Variants in KIF13A observed in about 807,000 individuals in gnomAD.
KIF13A encodes the protein kinesin-like protein KIF13A.
A neutral mutation model predicts 212.2 loss-of-function variants in KIF13A; 79 were observed. The observed-to-expected ratio is 0.37, with a 90% CI of 0.31 to 0.45. The LOEUF (loss-of-function observed/expected upper bound fraction) is 0.45. Ranked by LOEUF, KIF13A falls within the 20% of genes least tolerant of loss-of-function variation. The pLI, the probability that KIF13A is intolerant of heterozygous loss-of-function variation, is 1.00. For synonymous variants in KIF13A, 789 were observed against 808.6 expected (o/e 0.98, Z 0.41); for missense variants, 1,901 against 2,209.0 (o/e 0.86, Z 2.79).
Position 17,834,166 on chromosome 6 carries a change from A to G in KIF13A, c.1156-95T>C, listed in dbSNP as rs1049296374. ...CTGTCCCTCTTAAGCAGTTATCAAT[A>G]GTCTGTTGGAAAAAATTAAGTTATA... On this transcript the variant is annotated intron_variant, in intron 11 of 38. Coordinates refer to ENST00000259711, the MANE Select transcript of KIF13A (RefSeq NM_022113.6). This position sits in a 1 kb window ranked among gnomAD's most constrained non-coding sequence, Gnocchi z 4.0. 2 of 729,260 alleles carry G rather than the reference A, an allele frequency of 2.7e-6. No individual in the cohort carries two copies. Among genetic ancestry groups the G allele is most frequent in the African/African-American group, 3.7e-5 (2 of 53,918 alleles). 45.2% of individuals were successfully genotyped at this position (729,260 alleles called of 1,614,324 possible).
At chr6:17,973,782 G>A (rs989206828) in intron 2 of KIF13A, among the ~76,000 whole-genome samples, 2 of 152,320 alleles carry the variant, frequency 1.3e-5, no homozygotes, top group East Asian at 3.9e-4. Context: ...CCATGCTGCT[G>A]CTCCATAGCC....
In KIF13A at chr6:17,780,872, T is replaced by G. The variant is rs1455653081; in HGVS notation, c.3704A>C (p.His1235Pro). Residue 1235 changes from histidine (H) to proline (P), a missense_variant, in exon 31 of 39, where the codon CAT (histidine) becomes CCT (proline). His to Pro is a moderately conservative substitution (Grantham distance 77). This residue lies in a region of KIF13A where 687 missense variants were observed against 759.1 expected (regional missense o/e 0.90). Transcript: ENST00000259711. ...SATASWDSSVHDSVHLNRVTP... is the reference protein window; with the variant it reads ...SATASWDSSVPDSVHLNRVTP... Reference sequence around the variant, plus strand: ...GACCCTATTCAAGTGAACAGAATCATGCACCGAGGAATCCCAAGAGGCTGT... The same window carrying G: ...GACCCTATTCAAGTGAACAGAATCAGGCACCGAGGAATCCCAAGAGGCTGT... 6.2e-7 allele frequency: 1 copy of G among 1,613,922 alleles called. No individual in the cohort carries two copies. Among genetic ancestry groups the G allele is most frequent in the Non-Finnish European group, 8.5e-7 (1 of 1,179,836 alleles).
chr6:17,762,545 C>T (rs976706593), downstream of KIF13A, among the ~76,000 whole-genome samples: 1 of 152,156 alleles, frequency 6.6e-6, no homozygotes, highest in African/African-American at 2.4e-5. Flanking sequence ...CTGCCACACC[C>T]TCCTTGCCCC....
At position 17,808,653 on chromosome 6, in the gene KIF13A, T is replaced by C. The variant is rs576715406; in HGVS notation, c.2163+115A>G. ...AAGAATGTCTTGAAAAAAATAAACA[T>C]CTCTGGCTGATATCAGGATCTCCTC... On this transcript the variant is annotated intron_variant, in intron 18 of 38. Coordinates refer to ENST00000259711, the MANE Select transcript of KIF13A (RefSeq NM_022113.6). 6.4e-5 allele frequency: 59 copies of C among 918,956 alleles called. No homozygotes were observed. In the South Asian group the frequency reaches 1.1e-3, roughly 17 times the overall value. 56.9% of individuals were successfully genotyped at this position (918,956 alleles called of 1,614,324 possible).
In KIF13A at chr6:17,838,365, A is replaced by G. The variant is rs935597409; in HGVS notation, c.831-782T>C. 2.0e-5 allele frequency among the ~76,000 whole-genome samples: 3 copies of G among 152,114 alleles called. No homozygotes were observed. Among genetic ancestry groups the G allele is most frequent in the Non-Finnish European group, 4.4e-5 (3 of 68,014 alleles). On this transcript the variant is annotated intron_variant, in intron 9 of 38. Coordinates refer to ENST00000259711, the MANE Select transcript of KIF13A (RefSeq NM_022113.6). The surrounding 1 kb of genome is among the most constrained non-coding windows in gnomAD (Gnocchi z 4.2). ...ATGCTACTACAAATAACAAAGAAGG[A>G]CACAAACTAGCAAGTGAAAGACTAG...
At chr6:17,875,009 A>G (rs539591031) in intron 3 of KIF13A, among the ~76,000 whole-genome samples, 4 of 142,836 alleles carry the variant, frequency 2.8e-5, no homozygotes, top group Non-Finnish European at 4.8e-5. Flanking sequence ...GCACGCACAC[A>G]CACACACACA....
intron 2 of KIF13A, among the ~76,000 whole-genome samples, chr6:17,943,010 C>CA (rs1290995646): frequency 2.6e-5 from 4 of 151,460 alleles, no homozygotes; most frequent in Non-Finnish European, 5.9e-5. Flanking sequence ...AAACAAAAAA[C>CA]AAAAAAAAGA....
intron 13 of KIF13A, among the ~76,000 whole-genome samples, chr6:17,830,289 T>C (rs1765329630): frequency 6.6e-6 from 1 of 152,230 alleles, no homozygotes; most frequent in South Asian, 2.1e-4. Flanking sequence ...CATGTGTGTG[T>C]GTATTGGTGG....
At chr6:17,845,852 T>C (rs1381083642) in intron 9 of KIF13A, among the ~76,000 whole-genome samples, 2 of 152,112 alleles carry the variant, frequency 1.3e-5, no homozygotes, top group African/African-American at 4.8e-5. Flanking sequence ...TGCTTAAAGG[T>C]CTTAAGAGCT....
chr6:17,956,771 T>C (rs1352253707), intron 2 of KIF13A, among the ~76,000 whole-genome samples: 2 of 152,148 alleles, frequency 1.3e-5, no homozygotes, highest in Non-Finnish European at 2.9e-5. Flanking sequence ...TCCTGCTCTA[T>C]ACTCTGGAGG....
rs1432691551 is a variant in KIF13A, at chr6:17,777,172, C to T, written c.4170+105G>A. On this transcript the variant is annotated intron_variant, in intron 34 of 38. Coordinates refer to ENST00000259711, the MANE Select transcript of KIF13A (RefSeq NM_022113.6). This position sits in a 1 kb window ranked among gnomAD's most constrained non-coding sequence, Gnocchi z 4.4. ...AGCAGGCTACACTTTGGGATGCCCA[C>T]ACCAGTTCCATAAGCTCTACTGCCA... 3 of 871,560 alleles carry T rather than the reference C, an allele frequency of 3.4e-6. No individual in the cohort carries two copies. Among genetic ancestry groups the T allele is most frequent in the Non-Finnish European group, 5.7e-6 (3 of 528,862 alleles). 54.0% of individuals were successfully genotyped at this position (871,560 alleles called of 1,614,324 possible).
intron 2 of KIF13A, among the ~76,000 whole-genome samples, chr6:17,927,930 A>C (rs993747622): frequency 6.6e-6 from 1 of 152,254 alleles, no homozygotes; most frequent in African/African-American, 2.4e-5. Flanking sequence ...AGCAGACAGC[A>C]ACAACACCCT....
Position 17,987,081 on chromosome 6 carries a change from G to A in KIF13A, c.119C>T (p.Pro40Leu), listed in dbSNP as rs1198330965. 3.1e-6 allele frequency: 5 copies of A among 1,613,652 alleles called. No homozygotes were observed. The highest frequency in any genetic ancestry group is 1.3e-5 in the African/African-American group (1 of 75,058). ...TTCTCCCTGTTTGGTGTTAGAAGGA[G>A]GAGGGTGCAGGACCGTTTGATTCCC... ...MEGNQTVLHP[P>L]PSNTKQGERK... The change falls in exon 2 of 39, where the codon CCT (proline) becomes CTT (leucine). Residue 40 changes from proline to leucine, a missense_variant. Physicochemically the swap from Pro to Leu is moderately conservative, Grantham distance 98 (BLOSUM62 -3). This residue lies in a region of KIF13A where 506 missense variants were observed against 637.4 expected (regional missense o/e 0.79). Coordinates refer to ENST00000259711, the MANE Select transcript of KIF13A (RefSeq NM_022113.6). This position sits in a 1 kb window ranked among gnomAD's most constrained non-coding sequence, Gnocchi z 7.7.
rs1270444271 is a variant in KIF13A at position 17,825,259 on chromosome 6, C to A, written c.1786+509G>T. Among the ~76,000 whole-genome samples, 1 of 152,142 alleles carries A rather than the reference C, an allele frequency of 6.6e-6. No homozygotes were observed. Among genetic ancestry groups the A allele is most frequent in the Non-Finnish European group, 1.5e-5 (1 of 68,016 alleles). On this transcript the variant is annotated intron_variant, in intron 16 of 38. Coordinates refer to ENST00000259711, the MANE Select transcript of KIF13A (RefSeq NM_022113.6). The surrounding 1 kb of genome is among the most constrained non-coding windows in gnomAD (Gnocchi z 4.5). ...TAAGTCAAATAAAGAGGCTATAAAGCATTTCATTTTCACTATCATTTTTGT... is the reference window on the plus strand; with the variant it reads ...TAAGTCAAATAAAGAGGCTATAAAGAATTTCATTTTCACTATCATTTTTGT...
rs1174100047 is a variant in KIF13A, at chr6:17,914,888, A to G, written c.147-16708T>C. ...CAGTGAGGCTTTCCCAAAATGCAGC[A>G]TGAAGCATCAAGAATTAAGCATCCC... On this transcript the variant is annotated intron_variant, in intron 2 of 38. Transcript: ENST00000259711. The surrounding 1 kb of genome is among the most constrained non-coding windows in gnomAD (Gnocchi z 5.9). 6.6e-6 allele frequency among the ~76,000 whole-genome samples: 1 copy of G among 152,248 alleles called. No individual in the cohort carries two copies. Among genetic ancestry groups the G allele is most frequent in the African/African-American group, 2.4e-5 (1 of 41,460 alleles).
chr6:17,952,598 C>T (rs771625305), intron 2 of KIF13A, among the ~76,000 whole-genome samples: 2 of 151,526 alleles, frequency 1.3e-5, no homozygotes, highest in African/African-American at 4.9e-5. Flanking sequence ...GACCACACCA[C>T]TCACTGCACT....
chr6:17,863,941 A>C (rs1562070972), intron 4 of KIF13A, among the ~76,000 whole-genome samples: 1 of 152,186 alleles, frequency 6.6e-6, no homozygotes, highest in Non-Finnish European at 1.5e-5. Flanking sequence ...AGTGGTGGGA[A>C]TCAGGGAATT....
At chr6:17,887,654 A>G (rs1440899873) in intron 3 of KIF13A, among the ~76,000 whole-genome samples, 2 of 152,080 alleles carry the variant, frequency 1.3e-5, no homozygotes, top group African/African-American at 4.8e-5. Context: ...CTTATTTCCT[A>G]ATACGTCAAT....
chr6:17,811,621 G>T lies in KIF13A; in HGVS notation c.2001-2691C>A, dbSNP rs1581382422. ...TCTCAACCCATCAACATTCATGTAGGTAAGAGTCCTTCATTATTTCACAAC... is the reference window on the plus strand; with the variant it reads ...TCTCAACCCATCAACATTCATGTAGTTAAGAGTCCTTCATTATTTCACAAC... On this transcript the variant is annotated intron_variant, in intron 17 of 38. Transcript: ENST00000259711. The surrounding 1 kb of genome is among the most constrained non-coding windows in gnomAD (Gnocchi z 6.0). 6.6e-6 allele frequency among the ~76,000 whole-genome samples: 1 copy of T among 152,148 alleles called. No individual in the cohort carries two copies. Among genetic ancestry groups the T allele is most frequent in the African/African-American group, 2.4e-5 (1 of 41,440 alleles).
Sources: allele counts gnomAD v4.1 joint callset (sites outside exome capture counted in the v4.1 genomes callset), GRCh38; gene constraint gnomAD v4.1.1; regional missense constraint gnomAD v4.1.1; non-coding constraint Gnocchi (gnomAD v3.1); transcripts MANE v1.5; gene names NCBI Gene and HGNC (gene_info 2026-07-23, HGNC 2026-07-21).